DLGAP2: variants seen among roughly 807,000 people sequenced by gnomAD.
The protein encoded by DLGAP2 is DLG associated protein 2, also known as disks large-associated protein 2.
Under a neutral mutation model 100.3 loss-of-function variants are expected in DLGAP2, and 26 were observed. That is an observed-to-expected ratio of 0.26 (90% CI 0.19 to 0.36). The LOEUF (loss-of-function observed/expected upper bound fraction) is 0.36. Ranked by LOEUF, DLGAP2 falls within the 10% of genes least tolerant of loss-of-function variation. The pLI, the probability that DLGAP2 is intolerant of heterozygous loss-of-function variation, is 1.00. For synonymous variants in DLGAP2, 886 were observed against 630.1 expected, an observed-to-expected ratio of 1.41 and a Z score of -6.08; for missense variants, 1,858 against 1,453.2, an observed-to-expected ratio of 1.28 and a Z score of -4.53.
intron 3 of DLGAP2, among the ~76,000 whole-genome samples, chr8:1,275,323 C>A (rs1417047796): frequency 6.6e-6 from 1 of 151,166 alleles, no homozygotes; most frequent in Non-Finnish European, 1.5e-5. Context: ...CAGATAGAAC[C>A]AGGTACACTC....
At chr8:837,664 ATGTGTGTGTGTG>A (rs34602128) in intron 1 of DLGAP2, among the ~76,000 whole-genome samples, 1 of 145,982 alleles carries the variant, frequency 6.9e-6, no homozygotes, top group Non-Finnish European at 1.5e-5. Flanking sequence ...GTTTGTGTGT[ATGTGTGTGTGTG>A]TGTGTGTGTG....
At chr8:1,526,257 C>G (rs1407256758) in intron 4 of DLGAP2, among the ~76,000 whole-genome samples, 1 of 151,824 alleles carries the variant, frequency 6.6e-6, no homozygotes, top group Non-Finnish European at 1.5e-5. Context: ...TTTTTACACT[C>G]ACGGGTCCAT....
At chr8:1,227,496 C>T (rs1470011067) in intron 2 of DLGAP2, among the ~76,000 whole-genome samples, 2 of 148,776 alleles carry the variant, frequency 1.3e-5, no homozygotes, top group African/African-American at 5.0e-5. Flanking sequence ...TGCTTCTTTT[C>T]TTTTCTTTTT....
At chr8:1,554,415 G>A (rs1801885962) in intron 5 of DLGAP2, among the ~76,000 whole-genome samples, 1 of 152,210 alleles carries the variant, frequency 6.6e-6, no homozygotes, top group Admixed American at 6.5e-5. Flanking sequence ...AGAGTTGGGT[G>A]TGGTGGCCTG....
intron 1 of DLGAP2, among the ~76,000 whole-genome samples, chr8:838,662 A>C (rs1357848004): frequency 1.3e-5 from 2 of 152,110 alleles, no homozygotes; most frequent in Non-Finnish European, 1.5e-5. Flanking sequence ...TTTACTCCTG[A>C]CTATATTGTC....
At chr8:1,095,198 T>G (rs1365796962) in intron 2 of DLGAP2, among the ~76,000 whole-genome samples, 1 of 152,184 alleles carries the variant, frequency 6.6e-6, no homozygotes, top group Non-Finnish European at 1.5e-5. Flanking sequence ...CCTTTACTTG[T>G]CATTTTTAAA....
intron 1 of DLGAP2, among the ~76,000 whole-genome samples, chr8:828,788 A>G (rs1440533257): frequency 6.6e-6 from 1 of 152,206 alleles, no homozygotes; most frequent in Non-Finnish European, 1.5e-5. Flanking sequence ...AATTTGGGGA[A>G]CTAATGAATG....
chr8:1,465,152 C>T (rs1052895728), intron 3 of DLGAP2, among the ~76,000 whole-genome samples: 7 of 152,230 alleles, frequency 4.6e-5, no homozygotes, highest in Non-Finnish European at 7.3e-5. Flanking sequence ...AGACCACCCA[C>T]GACTTTGGAT....
chr8:1,155,175 C>T (rs936564087), intron 2 of DLGAP2, among the ~76,000 whole-genome samples: 28 of 152,334 alleles, frequency 1.8e-4, no homozygotes, highest in African/African-American at 6.3e-4. Context: ...CCCTGCGTCT[C>T]TCCTCTGCCC....
intron 3 of DLGAP2, among the ~76,000 whole-genome samples, chr8:1,439,765 T>C (rs1389390932): frequency 6.6e-6 from 1 of 151,620 alleles, no homozygotes; most frequent in Non-Finnish European, 1.5e-5. Context: ...CTCCCCACCA[T>C]CCCCCAGACT....
chr8:1,408,260 C>A (rs1273399399), intron 3 of DLGAP2, among the ~76,000 whole-genome samples: 29 of 152,236 alleles, frequency 1.9e-4, no homozygotes, highest in African/African-American at 6.0e-4. Context: ...TTCCGCGATG[C>A]CATTTCAGTT....
rs569598426 is a variant in DLGAP2, at chr8:1,038,997, A to G, written c.73+131031A>G. Among the ~76,000 whole-genome samples the G allele has an allele frequency of 8.5e-5, 13 of 152,336 alleles. No homozygotes were observed. In the South Asian group the frequency reaches 2.7e-3, roughly 32 times the overall value. ...GCACTGAAATCATATAGCCTGTTAG[A>G]AAGATTTTAGGATGCAGTTGATTTC... On this transcript the variant is annotated intron_variant, in intron 2 of 14. Coordinates refer to ENST00000637795, the MANE Select transcript of DLGAP2 (RefSeq NM_001346810.2).
chr8:1,193,109 G>T (rs7824427), intron 2 of DLGAP2, among the ~76,000 whole-genome samples: 42,243 of 151,578 alleles, frequency 0.28, 6,598 homozygotes, highest in African/African-American at 0.43. Flanking sequence ...TCTTTGCTAT[G>T]GTGAATAGTG....
rs185334091 is a variant in DLGAP2 at position 1,224,524 on chromosome 8, T to G, written c.74-34327T>G. Reference sequence around the variant, plus strand: ...GAGTAGACCAGAAATTAATAAAATATAGAATACAAAAAATGATAGAAAAAA... The same window carrying G: ...GAGTAGACCAGAAATTAATAAAATAGAGAATACAAAAAATGATAGAAAAAA... On this transcript the variant is annotated intron_variant, in intron 2 of 14. Transcript: ENST00000637795. 9.2e-4 allele frequency among the ~76,000 whole-genome samples: 140 copies of G among 152,118 alleles called. 1 individual carries two copies. In the Middle Eastern group the frequency reaches 0.014, roughly 15 times the overall value.
chr8:1,595,137 TGCAAGC>T (rs1401987189), intron 6 of DLGAP2, among the ~76,000 whole-genome samples: 1 of 151,922 alleles, frequency 6.6e-6, no homozygotes, highest in Admixed American at 6.6e-5. Flanking sequence ...ACCTCCCGGG[TGCAAGC>T]GATTCTCCCA....
chr8:1,412,242 C>T (rs1191756679), intron 3 of DLGAP2, among the ~76,000 whole-genome samples: 1 of 152,178 alleles, frequency 6.6e-6, no homozygotes, highest in Non-Finnish European at 1.5e-5. Flanking sequence ...CCCCGCCAGC[C>T]TCCTGCTCTG....
At chr8:767,373 C>G (rs1177270968) in intron 1 of DLGAP2, among the ~76,000 whole-genome samples, 1 of 119,416 alleles carries the variant, frequency 8.4e-6, no homozygotes, top group African/African-American at 3.1e-5. Context: ...TTTTTTGAGA[C>G]AGAGTTTCGG....
intron 2 of DLGAP2, among the ~76,000 whole-genome samples, chr8:1,081,667 T>C (rs1204968355): frequency 6.6e-6 from 1 of 152,192 alleles, no homozygotes; most frequent in African/African-American, 2.4e-5. Context: ...AGAAAAAATA[T>C]TCAAGATTGT....
chr8:1,275,804 AT>A (rs1382265080), intron 3 of DLGAP2, among the ~76,000 whole-genome samples: 18 of 119,424 alleles, frequency 1.5e-4, no homozygotes, highest in Non-Finnish European at 9.9e-5. Context: ...ATAAATAAAT[AT>A]ATAAGATATA....
Sources: allele counts gnomAD v4.1 joint callset (sites outside exome capture counted in the v4.1 genomes callset), GRCh38; gene constraint gnomAD v4.1.1; transcripts MANE v1.5; gene names NCBI Gene and HGNC (gene_info 2026-07-23, HGNC 2026-07-21).